The following PI4KA variants were observed in gnomAD, a reference collection of about 807,000 sequenced individuals.
PI4KA encodes PI4-kinase alpha.
Under a neutral mutation model 271.4 loss-of-function variants are expected in PI4KA, and 122 were observed. The observed-to-expected ratio is 0.45, with a 90% CI of 0.39 to 0.52. The LOEUF (loss-of-function observed/expected upper bound fraction) is 0.52. Among genes scored for constraint, PI4KA ranks in the 20% least tolerant of loss-of-function variants. The pLI is 0.00. For synonymous variants in PI4KA, 1,041 were observed against 1,078.8 expected (o/e 0.96, Z 0.69); for missense variants, 1,969 against 2,769.1 (o/e 0.71, Z 6.48).
rs770732748 is a variant in PI4KA, at chr22:20,793,183, G to A, written c.2328+10C>T. 6.7e-7 allele frequency: 1 copy of A among 1,482,936 alleles called. No homozygotes were observed. Among genetic ancestry groups the A allele is most frequent in the Admixed American group, 1.7e-5 (1 of 59,872 alleles). The allele number at this position is 1,482,936 out of a possible 1,614,324, so 91.9% of individuals were successfully genotyped here. A position where few individuals can be genotyped will look rare whatever the true frequency, so the allele number is the denominator to read the frequency against. On this transcript the variant is annotated intron_variant, in intron 19 of 54. Coordinates refer to ENST00000255882, the MANE Select transcript of PI4KA (RefSeq NM_058004.4). ...CTGCAGTTTTTATCATTCAATTAAT[G>A]AATACTCACCACAGCTATTACAGGA...
intron 4 of PI4KA, among the ~76,000 whole-genome samples, chr22:20,822,864 T>C (rs1177626839): frequency 6.6e-6 from 1 of 152,200 alleles, no homozygotes; most frequent in Admixed American, 6.5e-5. Context: ...TTTCCTAATA[T>C]TAAGTAATGC....
chr22:20,799,907 C>T (rs1186136789), intron 14 of PI4KA, 141 bp from the exon 15 acceptor site: 2 of 597,198 alleles, frequency 3.3e-6, no homozygotes, highest in East Asian at 5.7e-5. Flanking sequence ...GGTCATAACA[C>T]AGAATGAATT....
chr22:20,850,537 A>T (rs1168088472), intron 1 of PI4KA, among the ~76,000 whole-genome samples: 1 of 151,702 alleles, frequency 6.6e-6, no homozygotes, highest in Admixed American at 6.6e-5. Flanking sequence ...TCCGCCTCCC[A>T]GGTTCATGCC....
intron 32 of PI4KA, among the ~76,000 whole-genome samples, chr22:20,736,013 C>T (rs1452725992): frequency 6.6e-6 from 1 of 152,140 alleles, no homozygotes; most frequent in Admixed American, 6.5e-5. Context: ...TGAAGACAAA[C>T]ATGACCACAC....
intron 32 of PI4KA, among the ~76,000 whole-genome samples, chr22:20,737,758 A>C (rs1419210251): frequency 6.6e-6 from 1 of 151,698 alleles, no homozygotes; most frequent in African/African-American, 2.4e-5. Context: ...CAGCCTCCTA[A>C]GTAGCTGGGA....
intron 4 of PI4KA, 118 bp from the exon 5 acceptor site, chr22:20,820,729 T>TA: frequency 1.4e-6 from 1 of 690,728 alleles, no homozygotes; most frequent in Non-Finnish European, 2.5e-6. Context: ...CCATATATGA[T>TA]ACATCCCTCC....
intron 1 of PI4KA, among the ~76,000 whole-genome samples, chr22:20,845,239 C>T (rs916360580): frequency 1.3e-5 from 2 of 151,998 alleles, no homozygotes; most frequent in Admixed American, 6.6e-5. Flanking sequence ...AATGCTAAAC[C>T]AAGGAGAAAA....
chr22:20,850,056 A>G (rs1023392349), intron 1 of PI4KA, among the ~76,000 whole-genome samples: 1 of 152,180 alleles, frequency 6.6e-6, no homozygotes, highest in African/African-American at 2.4e-5. Context: ...ATGGTGATGG[A>G]TGGACAACTC....
chr22:20,817,060 T>G (rs973463516), intron 7 of PI4KA, among the ~76,000 whole-genome samples: 1 of 152,210 alleles, frequency 6.6e-6, no homozygotes, highest in Non-Finnish European at 1.5e-5. Flanking sequence ...AGAGGTGCGA[T>G]TCTGAGTGGC....
intron 42 of PI4KA, 174 bp from the exon 43 acceptor site, chr22:20,721,592 C>T (rs1337967611): frequency 3.2e-6 from 2 of 631,294 alleles, no homozygotes; most frequent in Middle Eastern, 4.5e-4. Context: ...GTGGCCAGGC[C>T]AAGTTCCAGC....
In PI4KA at chr22:20,827,411, AT is replaced by A. The variant is rs951127149; in HGVS notation, c.368-2998del. On this transcript the variant is annotated intron_variant, in intron 3 of 54. Coordinates refer to ENST00000255882, the MANE Select transcript of PI4KA (RefSeq NM_058004.4). Reference sequence around the variant, plus strand: ...TCTCTATTCTATTTGTCTATGTGCTATTTTTTTTACCAGTACCATGCTGTTT... The same window carrying A: ...TCTCTATTCTATTTGTCTATGTGCTATTTTTTTACCAGTACCATGCTGTTT... 1.1e-4 allele frequency among the ~76,000 whole-genome samples: 16 copies of A among 151,738 alleles called. No homozygotes were observed. The South Asian group carries it at 2.9e-3, about 28-fold the overall frequency.
At chr22:20,824,188 T>C (rs1426505631) in intron 4 of PI4KA, 138 bp downstream of exon 4, 2 of 694,906 alleles carry the variant, frequency 2.9e-6, no homozygotes, top group Non-Finnish European at 5.2e-6. Flanking sequence ...ATGTCTTAGG[T>C]CTGCTGTCAA....
At chr22:20,712,221 C>G (rs1234874453) in intron 50 of PI4KA, 1 of 225,186 alleles carries the variant, frequency 4.4e-6, no homozygotes, top group Admixed American at 6.5e-5. Flanking sequence ...CTATGCCCAG[C>G]TAATTTTTGT....
intron 39 of PI4KA, among the ~76,000 whole-genome samples, chr22:20,728,644 T>C (rs1251898128): frequency 6.6e-6 from 1 of 152,196 alleles, no homozygotes; most frequent in East Asian, 1.9e-4. Context: ...CCATGAGCAC[T>C]GTGCTTTGAG....
intron 3 of PI4KA, among the ~76,000 whole-genome samples, chr22:20,827,848 G>A (rs887259479): frequency 6.6e-6 from 1 of 152,124 alleles, no homozygotes; most frequent in African/African-American, 2.4e-5. Context: ...AGGCTGGAGG[G>A]CAGTGGCACA....
At chr22:20,772,660 T>A (rs1932929169) in intron 19 of PI4KA, among the ~76,000 whole-genome samples, 1 of 152,186 alleles carries the variant, frequency 6.6e-6, no homozygotes, top group African/African-American at 2.4e-5. Context: ...CATTCTCTCT[T>A]CAGATAGACT....
chr22:20,745,193 C>A (rs1356254755), intron 29 of PI4KA, among the ~76,000 whole-genome samples: 3 of 152,156 alleles, frequency 2.0e-5, no homozygotes, highest in African/African-American at 7.2e-5. Context: ...ACCTTGAATA[C>A]AAAGGCAACC....
In PI4KA at chr22:20,726,549, G is replaced by A; in HGVS notation, c.4942-8C>T. ...GTAGAAGAGGATGGCGTCCTGTGGA[G>A]GTGGAGCAGAGTTGGCCATGACTTC... On this transcript the variant is annotated splice_region_variant and splice_polypyrimidine_tract_variant and intron_variant, in intron 41 of 54. Coordinates refer to ENST00000255882, the MANE Select transcript of PI4KA (RefSeq NM_058004.4). 1 of 1,585,634 alleles carries A rather than the reference G, an allele frequency of 6.3e-7. No individual in the cohort carries two copies. Among genetic ancestry groups the A allele is most frequent in the East Asian group, 2.4e-5 (1 of 42,148 alleles).
intron 38 of PI4KA, 31 bp from the exon 39 acceptor site, chr22:20,729,537 C>T (rs369167524): frequency 6.7e-5 from 105 of 1,558,354 alleles, no homozygotes; most frequent in Middle Eastern, 5.0e-4. Flanking sequence ...GCCTGATATG[C>T]ACCCCTTCTG....
Sources: gnomAD v4.1 joint callset for allele counts (sites outside exome capture counted in the v4.1 genomes callset) on GRCh38, gnomAD v4.1.1 for gene constraint, MANE v1.5 for transcripts, NCBI Gene and HGNC (gene_info 2026-07-23, HGNC 2026-07-21) for gene names.